The following PCDHGB2 variants were observed in gnomAD, a reference collection of about 807,000 sequenced individuals.
PCDHGB2 encodes protocadherin gamma-B2.
PCDHGB2 carries 55 observed loss-of-function variants against 59.3 expected under a neutral mutation model. The observed-to-expected ratio is 0.93, with a 90% CI of 0.75 to 1.16. PCDHGB2 has a LOEUF of 1.16. PCDHGB2 is among the 50% of genes most tolerant of loss of function. The probability of loss-of-function intolerance (pLI) is 0.00; values close to 1 mark genes in which losing one functional copy is unlikely to be tolerated. For missense variants in PCDHGB2, 1,228 were observed against 1,198.5 expected, an observed-to-expected ratio of 1.02 and a Z score of -0.36; for synonymous variants, 516 against 512.0, an observed-to-expected ratio of 1.01 and a Z score of -0.11.
At chr5:141,394,434 C>T in intron 1 of PCDHGB2, 1 of 1,614,248 alleles carries the variant, frequency 6.2e-7, no homozygotes, top group South Asian at 1.1e-5. Context: ...CGGGGACCCG[C>T]CCCTCAGCAG....
chr5:141,397,223 T>G (rs144227558), intron 1 of PCDHGB2, among the ~76,000 whole-genome samples: 2 of 152,186 alleles, frequency 1.3e-5, no homozygotes, highest in Admixed American at 6.5e-5. Context: ...TATTTTGAGA[T>G]ATGAAGAAGA....
At chr5:141,461,422 C>A (rs2099015157) in intron 1 of PCDHGB2, among the ~76,000 whole-genome samples, 1 of 151,930 alleles carries the variant, frequency 6.6e-6, no homozygotes, top group African/African-American at 2.4e-5. Flanking sequence ...TGTTTGTGGG[C>A]CATTTGTATA....
At position 141,421,819 on chromosome 5, in the gene PCDHGB2, G is replaced by C. The variant is rs752366104; in HGVS notation, c.2421+59263G>C. The C allele has an allele frequency of 3.8e-5, 61 of 1,613,688 alleles. No homozygotes were observed. Among genetic ancestry groups the C allele is most frequent in the Non-Finnish European group, 4.9e-5 (58 of 1,179,892 alleles). ...GGCCAAGAATCCAGAGCTAGTACTG[G>C]AGGGAAGCCTGGACCGAGAGAAAGA... On this transcript the variant is annotated intron_variant, in intron 1 of 3. Coordinates refer to ENST00000522605, the MANE Select transcript of PCDHGB2 (RefSeq NM_018923.3).
rs1248714579 is a variant in PCDHGB2 at position 141,489,513 on chromosome 5, C to A, written c.2422-5294C>A. The A allele has an allele frequency of 6.2e-7, 1 of 1,614,000 alleles. No homozygotes were observed. Among genetic ancestry groups the A allele is most frequent in the African/African-American group, 1.3e-5 (1 of 74,918 alleles). ...CCCTGGCAGTGAATCAAAAGATTGACCGAGAAAGCCTATGTGGAGCCAGCA... is the reference window on the plus strand; with the variant it reads ...CCCTGGCAGTGAATCAAAAGATTGAACGAGAAAGCCTATGTGGAGCCAGCA... On this transcript the variant is annotated intron_variant, in intron 1 of 3. Coordinates refer to ENST00000522605, the MANE Select transcript of PCDHGB2 (RefSeq NM_018923.3). The surrounding 1 kb of genome is among the most constrained non-coding windows in gnomAD (Gnocchi z 4.5).
intron 1 of PCDHGB2, among the ~76,000 whole-genome samples, chr5:141,456,857 G>A (rs957526443): frequency 6.6e-5 from 10 of 152,234 alleles, no homozygotes; most frequent in African/African-American, 2.4e-4. Context: ...CAGCTAATTG[G>A]GAGGCTGAGG....
chr5:141,423,996 A>G (rs1164307988), intron 1 of PCDHGB2: 1 of 1,079,028 alleles, frequency 9.3e-7, no homozygotes, highest in African/African-American at 1.7e-5. Context: ...AATTTATTAT[A>G]TATAGATACA....
intron 1 of PCDHGB2, chr5:141,408,969 C>T (rs1005367761): frequency 3.7e-6 from 6 of 1,613,594 alleles, no homozygotes; most frequent in Non-Finnish European, 5.1e-6. Context: ...GAAAATCTGC[C>T]CCCTGGGTCC....
Position 141,511,015 on chromosome 5 carries a change from C to T in PCDHGB2, c.2638C>T (p.Pro880Ser), listed in dbSNP as rs1430257603. The T allele has an allele frequency of 1.2e-6, 2 of 1,614,106 alleles. No homozygotes were observed. The highest frequency in any genetic ancestry group is 1.3e-5 in the African/African-American group (1 of 74,936). The stretch of plus-strand genomic sequence containing the variant: ...CATGGGATTGAGCGCCCGCTACGGA[C>T]CCCAGTTCACCCTGCAGCACGTGCC... ...GTMGLSARYG[P>S]QFTLQHVPDY... Residue 880 changes from proline (P) to serine (S), a missense_variant, in exon 4 of 4, where the codon CCC (proline) becomes TCC (serine). Coordinates refer to ENST00000522605, the MANE Select transcript of PCDHGB2 (RefSeq NM_018923.3).
chr5:141,425,956 C>T (rs1221085532), intron 1 of PCDHGB2, among the ~76,000 whole-genome samples: 1 of 152,244 alleles, frequency 6.6e-6, no homozygotes, highest in Non-Finnish European at 1.5e-5. Flanking sequence ...ATACATTAGT[C>T]CAACACATCA....
chr5:141,365,018 G>T, intron 1 of PCDHGB2: 1 of 1,613,880 alleles, frequency 6.2e-7, no homozygotes, highest in Non-Finnish European at 8.5e-7. Context: ...GCACATCCGT[G>T]TTACGGTCCT....
At chr5:141,382,571 A>G (rs1016420360) in intron 1 of PCDHGB2, among the ~76,000 whole-genome samples, 2 of 152,244 alleles carry the variant, frequency 1.3e-5, no homozygotes, top group Admixed American at 6.5e-5. Flanking sequence ...AAGAAATCTA[A>G]CAGGGAAATT....
chr5:141,421,467 G>T (rs1436543181), intron 1 of PCDHGB2: 1 of 1,614,132 alleles, frequency 6.2e-7, no homozygotes, highest in South Asian at 1.1e-5. Flanking sequence ...CTGTGAATCC[G>T]CGAAGCGGCA....
chr5:141,422,450 G>C (rs748354292), intron 1 of PCDHGB2: 71 of 1,611,564 alleles, frequency 4.4e-5, no homozygotes, highest in Non-Finnish European at 5.9e-5. Flanking sequence ...TTGATAACAA[G>C]CAGAGTGCTG....
At chr5:141,409,620 A>C in intron 1 of PCDHGB2, 2 of 1,613,876 alleles carry the variant, frequency 1.2e-6, no homozygotes, top group Non-Finnish European at 1.7e-6. Flanking sequence ...TCCATTGCGC[A>C]AGTGAGCGCC....
At chr5:141,419,297 G>A (rs1460451634) in intron 1 of PCDHGB2, 1 of 1,614,048 alleles carries the variant, frequency 6.2e-7, no homozygotes, top group Admixed American at 1.7e-5. Context: ...CTCTGACCCA[G>A]ACTTCGGGCT....
Position 141,361,137 on chromosome 5 carries a change from A to G in PCDHGB2, c.1002A>G (p.Gln334=), listed in dbSNP as rs1215399684. The G allele has an allele frequency of 1.2e-6, 2 of 1,613,630 alleles. No individual in the cohort carries two copies. The highest frequency in any genetic ancestry group is 2.2e-5 in the South Asian group (2 of 91,086). Residue 334 remains glutamine (Q), a synonymous_variant, in exon 1 of 4, where the codon CAA becomes CAG. Coordinates refer to ENST00000522605, the MANE Select transcript of PCDHGB2 (RefSeq NM_018923.3). ...ATCTAGCAGCCCACTGCAGTATCCA[A>G]GTTGAAATTCTTGATGACAACGATT... is the stretch of plus-strand genomic sequence containing the variant. ...PGDLAAHCSI[Q]VEILDDNDCA...
intron 3 of PCDHGB2, among the ~76,000 whole-genome samples, chr5:141,505,697 C>T (rs540949327): frequency 1.4e-4 from 21 of 152,198 alleles, no homozygotes; most frequent in Admixed American, 7.2e-4. Context: ...TGGAGGAGAG[C>T]GAACAAGGAA....
At chr5:141,413,450 G>T (rs2095642221) in intron 1 of PCDHGB2, 1 of 1,614,148 alleles carries the variant, frequency 6.2e-7, no homozygotes, top group Non-Finnish European at 8.5e-7. Context: ...ATCACCGCGG[G>T]CAGGATAGAC....
chr5:141,491,685 G>A lies in PCDHGB2; in HGVS notation c.2422-3122G>A. 1 of 1,613,164 alleles carries A rather than the reference G, an allele frequency of 6.2e-7. No individual in the cohort carries two copies. The highest frequency in any genetic ancestry group is 8.5e-7 in the Non-Finnish European group (1 of 1,179,646). On this transcript the variant is annotated intron_variant, in intron 1 of 3. Transcript: ENST00000522605. The surrounding 1 kb of genome is among the most constrained non-coding windows in gnomAD (Gnocchi z 6.9). ...CCATCCGGTCCCGCTCTAATACGCTGCGGGAGCGGAGCCAGGTGAGGGGCT... is the reference window on the plus strand; with the variant it reads ...CCATCCGGTCCCGCTCTAATACGCTACGGGAGCGGAGCCAGGTGAGGGGCT...
Sources: gnomAD v4.1 joint callset for allele counts (sites outside exome capture counted in the v4.1 genomes callset) on GRCh38, gnomAD v4.1.1 for gene constraint, Gnocchi (gnomAD v3.1) non-coding constraint, MANE v1.5 for transcripts, NCBI Gene and HGNC (gene_info 2026-07-23, HGNC 2026-07-21) for gene names.